The following GCNT4 variants were observed in gnomAD, a reference collection of about 807,000 sequenced individuals.
GCNT4 encodes beta-1,3-galactosyl-O-glycosyl-glycoprotein beta-1,6-N-acetylglucosaminyltransferase 4.
GCNT4 carries 17 observed loss-of-function variants against 31.3 expected under a neutral mutation model. The observed-to-expected ratio is 0.54, with a 90% CI of 0.37 to 0.81. The LOEUF is 0.81. GCNT4 is among the 40% of genes least tolerant of loss of function. GCNT4 has a pLI of 0.00. For missense variants in GCNT4, 503 were observed against 525.5 expected, an observed-to-expected ratio of 0.96 and a Z score of 0.42; for synonymous variants, 158 against 190.6, an observed-to-expected ratio of 0.83 and a Z score of 1.41.
At chr5:75,051,829 C>T (rs780968659) in intron 2 of GCNT4, among the ~76,000 whole-genome samples, 1 of 152,196 alleles carries the variant, frequency 6.6e-6, no homozygotes, top group Admixed American at 6.5e-5. Flanking sequence ...ACCACCACCC[C>T]GCAGCAGGAA....
At chr5:75,035,430 G>C (rs1490769033) in intron 3 of GCNT4, among the ~76,000 whole-genome samples, 1 of 152,318 alleles carries the variant, frequency 6.6e-6, no homozygotes, top group African/African-American at 2.4e-5. Context: ...CAGGTTGTGG[G>C]GCACTGGGGA....
chr5:75,029,506 T>C lies in GCNT4; in HGVS notation c.532A>G (p.Asn178Asp). The C allele has an allele frequency of 1.2e-6, 2 of 1,614,092 alleles. No individual in the cohort carries two copies. Among genetic ancestry groups the C allele is most frequent in the Non-Finnish European group, 1.7e-6 (2 of 1,180,024 alleles). Residue 178 changes from asparagine to aspartate, a missense_variant, in exon 4 of 4, where the codon AAT (asparagine) becomes GAT (aspartate). Transcript: ENST00000652361. ...ATATTGGAGAAGCACTTAGCTAAATTGTTCATGGCAACTTTGAAGGTATCA... is the reference window on the plus strand; with the variant it reads ...ATATTGGAGAAGCACTTAGCTAAATCGTTCATGGCAACTTTGAAGGTATCA... ...APDTFKVAMN[N>D]LAKCFSNIFI... is the part of the protein sequence containing the mutation.
intron 3 of GCNT4, among the ~76,000 whole-genome samples, chr5:75,032,874 T>TGGGGGG (rs1554062288): frequency 2.1e-5 from 1 of 46,686 alleles, no homozygotes; most frequent in Admixed American, 1.6e-4. Context: ...CAAATAGGGG[T>TGGGGGG]GTGTGTGTGT....
In GCNT4 at chr5:75,029,343, G is replaced by A; in HGVS notation, c.695C>T (p.Pro232Leu). ...CACCAATTCAAAATTTGACTTCAGGGGAAAATCTTGCCCACACAAGTTGAT... is the reference window on the plus strand; with the variant it reads ...CACCAATTCAAAATTTGACTTCAGGAGAAAATCTTGCCCACACAAGTTGAT... ...YVINLCGQDF[P>L]LKSNFELVSE... The change falls in exon 4 of 4, where the codon CCC becomes CTC. Residue 232 changes from proline to leucine, a missense_variant. Transcript: ENST00000652361. 1 of 1,614,056 alleles carries A rather than the reference G, an allele frequency of 6.2e-7. No individual in the cohort carries two copies. Among genetic ancestry groups the A allele is most frequent in the Non-Finnish European group, 8.5e-7 (1 of 1,179,994 alleles).
At position 75,029,235 on chromosome 5, in the gene GCNT4, T is replaced by C. The variant is rs1743009688; in HGVS notation, c.803A>G (p.His268Arg). The C allele has an allele frequency of 6.2e-7, 1 of 1,614,168 alleles. No individual in the cohort carries two copies. The highest frequency in any genetic ancestry group is 1.7e-5 in the Admixed American group (1 of 60,018). ...PNSKLERFTY[H>R]HELRRVPYEY... ...ATAAGGCACCCGTCTAAGTTCATGA[T>C]GGTAAGTGAATCTTTCCAATTTACT... Residue 268 changes from histidine to arginine, a missense_variant, in exon 4 of 4, where the codon CAT becomes CGT. Physicochemically the swap from His to Arg is conservative, Grantham distance 29. Transcript: ENST00000652361.
chr5:75,045,886 T>C (rs1369450095), intron 3 of GCNT4, among the ~76,000 whole-genome samples: 8 of 152,044 alleles, frequency 5.3e-5, no homozygotes, highest in African/African-American at 9.7e-5. Context: ...TTCTTTTCTA[T>C]AGAAATTTTC....
At chr5:75,050,217 A>T (rs1023291112) in intron 2 of GCNT4, among the ~76,000 whole-genome samples, 8 of 152,228 alleles carry the variant, frequency 5.3e-5, no homozygotes, top group Non-Finnish European at 1.5e-5. Flanking sequence ...TTACATTTGT[A>T]TGATCTGTGA....
At chr5:75,045,831 G>A (rs1366658873) in intron 3 of GCNT4, among the ~76,000 whole-genome samples, 1 of 152,154 alleles carries the variant, frequency 6.6e-6, no homozygotes, top group Middle Eastern at 3.2e-3. Context: ...CTAAGTGACT[G>A]ATAACACAAT....
At chr5:75,046,369 G>C (rs1419111646) in intron 3 of GCNT4, among the ~76,000 whole-genome samples, 2 of 152,126 alleles carry the variant, frequency 1.3e-5, no homozygotes, top group African/African-American at 2.4e-5. Context: ...ATGCTGCAGT[G>C]ACACAGAGAG....
chr5:75,037,914 A>C (rs953767207), intron 3 of GCNT4, among the ~76,000 whole-genome samples: 1 of 150,824 alleles, frequency 6.6e-6, no homozygotes, highest in Non-Finnish European at 1.5e-5. Context: ...AAAAACAAAA[A>C]ACAGAAAAAC....
At position 75,049,344 on chromosome 5, in the gene GCNT4, A is replaced by G. The variant is rs115078261; in HGVS notation, c.-142-1307T>C. ...TTACGTTCAGCAGATCAAACTTCATAACATATTAAGTTGTGAGCTACCTTT... is the reference window on the plus strand; with the variant it reads ...TTACGTTCAGCAGATCAAACTTCATGACATATTAAGTTGTGAGCTACCTTT... On this transcript the variant is annotated intron_variant, in intron 2 of 3. Transcript: ENST00000652361. Among the ~76,000 whole-genome samples, 1,302 of 152,276 alleles carry G rather than the reference A, an allele frequency of 8.6e-3. 8 individuals are homozygous for G. Among genetic ancestry groups the G allele is most frequent in the Non-Finnish European group, 0.012 (822 of 68,016 alleles).
rs1463369596 is a variant in GCNT4 at position 75,027,496 on chromosome 5, G to A, written c.*1180C>T. On this transcript the variant is annotated 3_prime_UTR_variant, in exon 4 of 4. Coordinates refer to ENST00000652361, the MANE Select transcript of GCNT4 (RefSeq NM_001366737.1). ...GTGGTTTTCTCAAGTGTGGGTTTTAGAAAATATCCTTAATGAATATTCTTG... is the reference window on the plus strand; with the variant it reads ...GTGGTTTTCTCAAGTGTGGGTTTTAAAAAATATCCTTAATGAATATTCTTG... The A allele has an allele frequency of 6.7e-6, 1 of 148,610 alleles. No individual in the cohort carries two copies. Among genetic ancestry groups the A allele is most frequent in the Non-Finnish European group, 1.5e-5 (1 of 67,312 alleles). 9.2% of individuals were successfully genotyped at this position (148,610 alleles called of 1,614,324 possible).
chr5:75,018,637 G>C, the GCNT4 span, among the ~76,000 whole-genome samples: 3 of 152,108 alleles, frequency 2.0e-5, no homozygotes, highest in Admixed American at 6.6e-5. Flanking sequence ...TCTTCTGACA[G>C]GGGAAGGGGA....
chr5:75,032,281 A>C (rs1006330601), intron 3 of GCNT4, among the ~76,000 whole-genome samples: 4 of 152,028 alleles, frequency 2.6e-5, no homozygotes, highest in Non-Finnish European at 5.9e-5. Context: ...TCCATATTCC[A>C]ACACCTTTCC....
chr5:75,020,787 A>G (rs1200755628), downstream of GCNT4, among the ~76,000 whole-genome samples: 1 of 152,218 alleles, frequency 6.6e-6, no homozygotes, highest in Non-Finnish European at 1.5e-5. Context: ...ATCTATTATT[A>G]ACAAGTAAAA....
chr5:75,039,078 T>G (rs747723586), intron 3 of GCNT4, among the ~76,000 whole-genome samples: 21 of 150,924 alleles, frequency 1.4e-4, no homozygotes, highest in Non-Finnish European at 2.5e-4. Context: ...CACTGTTTTT[T>G]TTTGTTTTGT....
intron 3 of GCNT4, among the ~76,000 whole-genome samples, chr5:75,046,047 AG>A (rs1202778394): frequency 2.6e-5 from 4 of 152,166 alleles, no homozygotes; most frequent in Non-Finnish European, 5.9e-5. Context: ...TTCCTTTCTG[AG>A]GATCTCTTCT....
chr5:75,025,096 A>C (rs1167646799), downstream of GCNT4, among the ~76,000 whole-genome samples: 1 of 152,216 alleles, frequency 6.6e-6, no homozygotes, highest in Non-Finnish European at 1.5e-5. Flanking sequence ...TTATCTTATT[A>C]ATCTTACAGG....
Position 75,052,536 on chromosome 5 carries a change from G to A in GCNT4, c.-309C>T, listed in dbSNP as rs536248479. 1 of 152,358 alleles carries A rather than the reference G, an allele frequency of 6.6e-6. No homozygotes were observed. The highest frequency in any genetic ancestry group is 6.5e-5 in the Admixed American group (1 of 15,304). The allele number at this position is 152,358 out of a possible 1,614,324, so 9.4% of individuals were successfully genotyped here. On this transcript the variant is annotated 5_prime_UTR_variant, in exon 1 of 4. Transcript: ENST00000652361. Reference sequence around the variant, plus strand: ...CTGTGGTAGGCACCGCCACCTCGCAGGCAGACGATCCCGGCCCGCTCTGCG... The same window carrying A: ...CTGTGGTAGGCACCGCCACCTCGCAAGCAGACGATCCCGGCCCGCTCTGCG...
Sources: gnomAD v4.1 joint callset for allele counts (sites outside exome capture counted in the v4.1 genomes callset) on GRCh38, gnomAD v4.1.1 for gene constraint, MANE v1.5 for transcripts, NCBI Gene and HGNC (gene_info 2026-07-23, HGNC 2026-07-21) for gene names.